The following MAD1L1 variants were observed in gnomAD, a reference collection of about 807,000 sequenced individuals.
MAD1L1 encodes the protein mitotic arrest deficient 1 like 1, also known as mitotic spindle assembly checkpoint protein MAD1.
In MAD1L1, 95 loss-of-function variants were observed where a neutral mutation model predicts 96.9. The observed-to-expected ratio is 0.98, with a 90% CI of 0.83 to 1.16. The LOEUF is 1.16. Among genes scored for constraint, MAD1L1 ranks in the 50% most tolerant of loss-of-function variants. MAD1L1 has a pLI of 0.00. For synonymous variants in MAD1L1, 473 were observed against 396.6 expected, an observed-to-expected ratio of 1.19 and a Z score of -2.29; for missense variants, 1,007 against 954.4, an observed-to-expected ratio of 1.06 and a Z score of -0.73.
intron 11 of MAD1L1, among the ~76,000 whole-genome samples, chr7:2,118,518 G>A (rs980947888): frequency 3.3e-5 from 5 of 152,236 alleles, no homozygotes; most frequent in Admixed American, 6.5e-5. Context: ...TGGCATGAAC[G>A]CGGCAAGATA....
At position 1,827,752 on chromosome 7, in the gene MAD1L1, C is replaced by T. The variant is rs540403982; in HGVS notation, c.1999-11524G>A. On this transcript the variant is annotated intron_variant, in intron 18 of 18. Transcript: ENST00000265854. Reference sequence around the variant, plus strand: ...CTGCGTGGCTGTGGGGTCCTCCCCTCCTGAGCCCGTCCCGGGTGTGGGGTC... The same window carrying T: ...CTGCGTGGCTGTGGGGTCCTCCCCTTCTGAGCCCGTCCCGGGTGTGGGGTC... Among the ~76,000 whole-genome samples the T allele has an allele frequency of 4.6e-4, 59 of 127,944 alleles. 1 individual carries two copies. The East Asian group carries it at 0.014, about 29-fold the overall frequency. The allele number at this position is 127,944 out of a possible 152,430, so 83.9% of individuals were successfully genotyped here.
At chr7:2,045,879 G>A (rs1388910915) in intron 12 of MAD1L1, among the ~76,000 whole-genome samples, 22 of 152,220 alleles carry the variant, frequency 1.4e-4, no homozygotes, top group African/African-American at 4.3e-4. Flanking sequence ...AAATCCAAAC[G>A]TTCTGCCGAG....
chr7:2,082,346 C>G (rs555822326), intron 11 of MAD1L1, among the ~76,000 whole-genome samples: 1 of 151,564 alleles, frequency 6.6e-6, no homozygotes, highest in Non-Finnish European at 1.5e-5. Context: ...AGGGAGAGAG[C>G]GGGAGAGACA....
chr7:2,027,714 G>T (rs1239809474), intron 12 of MAD1L1, among the ~76,000 whole-genome samples: 1 of 152,212 alleles, frequency 6.6e-6, no homozygotes, highest in African/African-American at 2.4e-5. Context: ...GGAATAGGGA[G>T]AACTTTAATC....
intron 11 of MAD1L1, among the ~76,000 whole-genome samples, chr7:2,104,743 C>T (rs3800902): frequency 1.2e-3 from 92 of 78,658 alleles, no homozygotes; most frequent in East Asian, 4.1e-3. Flanking sequence ...ACATCCCTAA[C>T]GCCTTTGCCA....
At chr7:1,824,014 G>C (rs1393060314) in intron 18 of MAD1L1, among the ~76,000 whole-genome samples, 3 of 152,196 alleles carry the variant, frequency 2.0e-5, no homozygotes, top group African/African-American at 7.2e-5. Context: ...GGGACGGAGA[G>C]CGGGAAGCAA....
chr7:2,057,548 A>G (rs1784434436), intron 12 of MAD1L1, among the ~76,000 whole-genome samples: 1 of 150,214 alleles, frequency 6.7e-6, no homozygotes, highest in African/African-American at 2.4e-5. Flanking sequence ...AAGTTGGGGA[A>G]TGAAACATTA....
At chr7:1,999,592 CAGG>C (rs1781701276) in intron 14 of MAD1L1, among the ~76,000 whole-genome samples, 1 of 152,234 alleles carries the variant, frequency 6.6e-6, no homozygotes, top group African/African-American at 2.4e-5. Context: ...ATGCCCACTT[CAGG>C]AGGAGACAGG....
At chr7:1,828,458 C>T (rs1482618226) in intron 18 of MAD1L1, among the ~76,000 whole-genome samples, 1 of 152,142 alleles carries the variant, frequency 6.6e-6, no homozygotes, top group African/African-American at 2.4e-5. Flanking sequence ...AAAATGGCAC[C>T]CGAAGCTCAC....
At chr7:1,905,513 G>A (rs1299230965) in intron 17 of MAD1L1, among the ~76,000 whole-genome samples, 2 of 151,810 alleles carry the variant, frequency 1.3e-5, no homozygotes, top group East Asian at 3.9e-4. Flanking sequence ...CACTGTTCCA[G>A]GCAGCGAGGA....
chr7:1,932,774 A>G (rs1051417209), intron 17 of MAD1L1, among the ~76,000 whole-genome samples: 3 of 152,202 alleles, frequency 2.0e-5, no homozygotes, highest in African/African-American at 7.2e-5. Context: ...TCCTTGAGGC[A>G]CTTCTGTTAT....
intron 12 of MAD1L1, among the ~76,000 whole-genome samples, chr7:2,035,212 C>T (rs58775644): frequency 0.17 from 24,052 of 143,416 alleles, 4,999 homozygotes; most frequent in African/African-American, 0.47. Context: ...CCCAAGGACA[C>T]GCTGAGAAAT....
At chr7:2,160,526 G>C (rs1478851344) in intron 10 of MAD1L1, among the ~76,000 whole-genome samples, 1 of 143,494 alleles carries the variant, frequency 7.0e-6, no homozygotes, top group African/African-American at 2.6e-5. Flanking sequence ...GTAAAGACGG[G>C]GTTTCACTGT....
chr7:1,866,898 G>A lies in MAD1L1; in HGVS notation c.1998+31302C>T, dbSNP rs535894081. Among the ~76,000 whole-genome samples, 134 of 152,312 alleles carry A rather than the reference G, an allele frequency of 8.8e-4. 1 individual carries two copies. Among genetic ancestry groups the A allele is most frequent in the Middle Eastern group, 3.4e-3 (1 of 294 alleles). ...CTGGCTGGGCCAGGCTCCTGCAGGC[G>A]TCTCACTGTGCTGGCCTGCTCTCCA... On this transcript the variant is annotated intron_variant, in intron 18 of 18. Transcript: ENST00000265854.
At chr7:1,990,148 C>T (rs1316847654) in intron 14 of MAD1L1, among the ~76,000 whole-genome samples, 1 of 152,252 alleles carries the variant, frequency 6.6e-6, no homozygotes, top group Non-Finnish European at 1.5e-5. Flanking sequence ...CGTGGCATCG[C>T]TGAGTCTCAG....
intron 18 of MAD1L1, among the ~76,000 whole-genome samples, chr7:1,820,958 G>A (rs1782091319): frequency 6.6e-6 from 1 of 151,696 alleles, no homozygotes; most frequent in African/African-American, 2.4e-5. Flanking sequence ...GCGGGTGCCT[G>A]TAGTCCCAGC....
chr7:1,913,234 C>G (rs369580250), intron 17 of MAD1L1, among the ~76,000 whole-genome samples: 1 of 152,070 alleles, frequency 6.6e-6, no homozygotes, highest in Non-Finnish European at 1.5e-5. Context: ...CGGAACTGCT[C>G]CAGTAATTGG....
At position 2,092,419 on chromosome 7, in the gene MAD1L1, C is replaced by G. The variant is rs894320209; in HGVS notation, c.1074-23081G>C. On this transcript the variant is annotated intron_variant, in intron 11 of 18. Coordinates refer to ENST00000265854, the MANE Select transcript of MAD1L1 (RefSeq NM_001013836.2). The stretch of plus-strand genomic sequence containing the variant: ...GATCACAGGTGTGCATGACCACGCC[C>G]CACCCAAGCATCCTCCCTCACGCAT... 2.0e-5 allele frequency among the ~76,000 whole-genome samples: 3 copies of G among 152,228 alleles called. No individual in the cohort carries two copies. The East Asian group carries it at 5.8e-4, about 29-fold the overall frequency.
intron 14 of MAD1L1, among the ~76,000 whole-genome samples, chr7:2,000,806 C>A (rs144507553): frequency 5.9e-5 from 9 of 152,354 alleles, no homozygotes; most frequent in Middle Eastern, 6.8e-3. Flanking sequence ...CAGCTGTTGC[C>A]AGCCCACCTG....
Sources: gnomAD v4.1 joint callset for allele counts (sites outside exome capture counted in the v4.1 genomes callset) on GRCh38, gnomAD v4.1.1 for gene constraint, MANE v1.5 for transcripts, NCBI Gene and HGNC (gene_info 2026-07-23, HGNC 2026-07-21) for gene names.